The following LARS2 variants were observed in gnomAD, a reference collection of about 807,000 sequenced individuals.
LARS2 encodes leucine--tRNA ligase, mitochondrial.
LARS2 carries 81 observed loss-of-function variants against 116.6 expected under a neutral mutation model. That is an observed-to-expected ratio of 0.69 (90% CI 0.58 to 0.84). The LOEUF is 0.84. LARS2 is among the 40% of genes least tolerant of loss of function. The probability of loss-of-function intolerance (pLI) is 0.00; values close to 1 mark genes in which losing one functional copy is unlikely to be tolerated. For missense variants in LARS2, 968 were observed against 1,114.5 expected (o/e 0.87, Z 1.87); for synonymous variants, 396 against 407.2 (o/e 0.97, Z 0.33).
intron 7 of LARS2, among the ~76,000 whole-genome samples, chr3:45,457,039 G>A (rs149075781): frequency 3.3e-5 from 5 of 152,320 alleles, no homozygotes; most frequent in Admixed American, 1.3e-4. Flanking sequence ...CAGAAGGGAC[G>A]GCAATGCGTT....
In LARS2 at chr3:45,547,872, G is replaced by C; in HGVS notation, c.*342G>C. 5.2e-6 allele frequency: 1 copy of C among 193,148 alleles called. No individual in the cohort carries two copies. Among genetic ancestry groups the C allele is most frequent in the Non-Finnish European group, 1.0e-5 (1 of 95,366 alleles). The allele number at this position is 193,148 out of a possible 1,614,324, so 12.0% of individuals were successfully genotyped here. ...GGAGCAGGAAGGAGCAGTGCCCCTCGAGCAGCCAGGAAGCCTGCGGATCTG... is the reference window on the plus strand; with the variant it reads ...GGAGCAGGAAGGAGCAGTGCCCCTCCAGCAGCCAGGAAGCCTGCGGATCTG... On this transcript the variant is annotated 3_prime_UTR_variant, in exon 22 of 22. Transcript: ENST00000645846.
At chr3:45,413,798 C>T (rs1698373150) in intron 4 of LARS2, among the ~76,000 whole-genome samples, 1 of 152,224 alleles carries the variant, frequency 6.6e-6, no homozygotes, top group African/African-American at 2.4e-5. Context: ...TTACTGCTGC[C>T]TGCTAAGACA....
intron 4 of LARS2, among the ~76,000 whole-genome samples, chr3:45,407,731 G>T (rs1698254177): frequency 1.3e-5 from 2 of 150,724 alleles, no homozygotes; most frequent in Admixed American, 6.6e-5. Flanking sequence ...AGCTGAATTG[G>T]TTTCAAATAT....
At chr3:45,405,292 G>A (rs1418513955) in intron 4 of LARS2, among the ~76,000 whole-genome samples, 1 of 152,016 alleles carries the variant, frequency 6.6e-6, no homozygotes, top group East Asian at 1.9e-4. Context: ...TAACTAACAT[G>A]TTTTTAGGTC....
intron 14 of LARS2, among the ~76,000 whole-genome samples, chr3:45,497,634 T>C (rs370797787): frequency 2.6e-5 from 4 of 152,108 alleles, no homozygotes; most frequent in Admixed American, 1.3e-4. Context: ...TTGTCAGGCA[T>C]GGTGGCTCAC....
rs1236543678 is a variant in LARS2, at chr3:45,400,317, C to T, written c.307C>T (p.Arg103Cys). Residue 103 changes from arginine to cysteine, a missense_variant, in exon 4 of 22, where the codon CGT becomes TGT. Transcript: ENST00000645846. Reference sequence around the variant, plus strand: ...TGGTAAGCTGCACATGGGCCATGTGCGTGTCTACACCATCAGCGACACCAT... The same window carrying T: ...TGGTAAGCTGCACATGGGCCATGTGTGTGTCTACACCATCAGCGACACCAT... ...PSGKLHMGHV[R>C]VYTISDTIAR... 1.1e-5 allele frequency: 18 copies of T among 1,613,828 alleles called. No homozygotes were observed. The highest frequency in any genetic ancestry group is 9.3e-5 in the African/African-American group (7 of 75,018).
At chr3:45,516,644 C>T (rs914773598) in intron 17 of LARS2, among the ~76,000 whole-genome samples, 1 of 152,178 alleles carries the variant, frequency 6.6e-6, no homozygotes, top group Admixed American at 6.5e-5. Context: ...GACAGACTGG[C>T]TTCTGAGCTA....
At chr3:45,485,657 G>C in intron 10 of LARS2, 35 bp from the exon 11 acceptor site, 1 of 1,231,190 alleles carries the variant, frequency 8.1e-7, no homozygotes, top group Non-Finnish European at 1.2e-6. Context: ...TGTCTCAGTT[G>C]AGTGGCATCC....
chr3:45,413,483 A>T (rs1048354552), intron 4 of LARS2, among the ~76,000 whole-genome samples: 3 of 152,230 alleles, frequency 2.0e-5, no homozygotes, highest in Non-Finnish European at 4.4e-5. Context: ...TTCAGTTACC[A>T]TTTATAGTTG....
chr3:45,430,029 T>TTTTTTTTTTTTTTG lies in LARS2; in HGVS notation c.516+10300_516+10301insTTTTTTTTTTTTTG, dbSNP rs1553629354. 9.9e-4 allele frequency among the ~76,000 whole-genome samples: 138 copies of TTTTTTTTTTTTTTG among 138,850 alleles called. 3 individuals are homozygous for TTTTTTTTTTTTTTG. The highest frequency in any genetic ancestry group is 3.5e-3 in the African/African-American group (123 of 35,254). The allele number at this position is 138,850 out of a possible 152,430, so 91.1% of individuals were successfully genotyped here. The stretch of plus-strand genomic sequence containing the variant: ...TTTTTTTTTTTTTTTTTTTTTTTTT[T>TTTTTTTTTTTTTTG]GAGACAGAGTCTTGCTCTGTCGCCC... On this transcript the variant is annotated intron_variant, in intron 6 of 21. Transcript: ENST00000645846.
chr3:45,516,054 A>G (rs760977093), intron 16 of LARS2, 40 bp from the exon 17 acceptor site: 2 of 1,543,046 alleles, frequency 1.3e-6, no homozygotes, highest in Admixed American at 3.6e-5. Flanking sequence ...AGCAATTCAC[A>G]ATGACACATA....
intron 16 of LARS2, among the ~76,000 whole-genome samples, chr3:45,514,287 A>G (rs1158695080): frequency 6.6e-6 from 1 of 152,208 alleles, no homozygotes; most frequent in Non-Finnish European, 1.5e-5. Flanking sequence ...CAGCACTGTG[A>G]CCATTACATT....
chr3:45,389,510 C>T (rs1697901164), intron 1 of LARS2, among the ~76,000 whole-genome samples: 1 of 152,224 alleles, frequency 6.6e-6, no homozygotes, highest in East Asian at 1.9e-4. Flanking sequence ...TAGAGGGCGG[C>T]CAGGGCACTC....
intron 6 of LARS2, among the ~76,000 whole-genome samples, chr3:45,436,348 A>G (rs986191824): frequency 3.4e-5 from 5 of 148,024 alleles, no homozygotes. Context: ...CTTTCTTTCA[A>G]AAAAAAAAAA....
intron 5 of LARS2, among the ~76,000 whole-genome samples, chr3:45,419,326 A>G (rs1436049522): frequency 6.6e-6 from 1 of 152,200 alleles, no homozygotes; most frequent in Non-Finnish European, 1.5e-5. Flanking sequence ...CTTAAATAAT[A>G]TGGCTTAAAT....
chr3:45,417,168 T>C (rs186519875), intron 4 of LARS2, among the ~76,000 whole-genome samples: 1 of 151,348 alleles, frequency 6.6e-6, no homozygotes, highest in African/African-American at 2.4e-5. Context: ...TATGTGAAAC[T>C]GAAAGAAACT....
At chr3:45,508,749 T>C (rs1042498219) in intron 15 of LARS2, among the ~76,000 whole-genome samples, 1 of 151,954 alleles carries the variant, frequency 6.6e-6, no homozygotes, top group Non-Finnish European at 1.5e-5. Flanking sequence ...TCCTTGTATA[T>C]AGTGATTTTT....
intron 15 of LARS2, among the ~76,000 whole-genome samples, chr3:45,508,169 A>C (rs1267710328): frequency 6.6e-6 from 1 of 152,052 alleles, no homozygotes. Flanking sequence ...TTCAGTTTGG[A>C]ATCAACAGAA....
rs1444643981 is a variant in LARS2, at chr3:45,474,299, A to C, written c.807A>C (p.Gln269His). 1 of 1,612,148 alleles carries C rather than the reference A, an allele frequency of 6.2e-7. No individual in the cohort carries two copies. Among genetic ancestry groups the C allele is most frequent in the Admixed American group, 1.7e-5 (1 of 60,000 alleles). Residue 269 changes from glutamine to histidine, a missense_variant, in exon 9 of 22, where the codon CAA becomes CAC. Physicochemically the swap from Gln to His is conservative, Grantham distance 24 (BLOSUM62 0). Coordinates refer to ENST00000645846, the MANE Select transcript of LARS2 (RefSeq NM_015340.4). ...LPEWYGIKGM[Q>H]AHWIGDCVGC... is the part of the protein sequence containing the mutation. ...AATGGTATGGAATAAAAGGCATGCA[A>C]GCCCACTGGATTGGGGACTGTGTGG...
Sources: allele counts gnomAD v4.1 joint callset (sites outside exome capture counted in the v4.1 genomes callset), GRCh38; gene constraint gnomAD v4.1.1; transcripts MANE v1.5; gene names NCBI Gene and HGNC (gene_info 2026-07-23, HGNC 2026-07-21).